AGBL3: variants seen among roughly 807,000 people sequenced by gnomAD.
AGBL3 encodes AGBL carboxypeptidase 3.
In AGBL3, 68 loss-of-function variants were observed where a neutral mutation model predicts 94.5. That is an observed-to-expected ratio of 0.72 (90% CI 0.59 to 0.88). AGBL3 has a LOEUF of 0.88. Among genes scored for constraint, AGBL3 ranks in the 40% least tolerant of loss-of-function variants. The pLI is 0.00. For synonymous variants in AGBL3, 354 were observed against 370.7 expected, an observed-to-expected ratio of 0.95 and a Z score of 0.52; for missense variants, 934 against 1,103.8, an observed-to-expected ratio of 0.85 and a Z score of 2.18.
At chr7:135,106,234 G>C (rs1032625131) in intron 15 of AGBL3, among the ~76,000 whole-genome samples, 1 of 152,138 alleles carries the variant, frequency 6.6e-6, no homozygotes, top group African/African-American at 2.4e-5. Flanking sequence ...TATCTTGGCT[G>C]ATTGCTCTGG....
chr7:135,119,024 A>AG (rs1826733368), intron 16 of AGBL3, among the ~76,000 whole-genome samples: 1 of 152,204 alleles, frequency 6.6e-6, no homozygotes, highest in African/African-American at 2.4e-5. Flanking sequence ...AGGCACCTGT[A>AG]GGACTATAAG....
intron 3 of AGBL3, among the ~76,000 whole-genome samples, chr7:134,992,075 T>C (rs557940533): frequency 1.8e-4 from 27 of 152,396 alleles, no homozygotes; most frequent in African/African-American, 5.3e-4. Context: ...ATAAGACTTA[T>C]GTTGCCACAG....
At chr7:135,066,370 T>G (rs372812824) in intron 12 of AGBL3, among the ~76,000 whole-genome samples, 1 of 152,204 alleles carries the variant, frequency 6.6e-6, no homozygotes, top group South Asian at 2.1e-4. Flanking sequence ...AACAATTATA[T>G]GAAAAGTTGT....
At chr7:135,108,701 G>T (rs1417253869) in intron 15 of AGBL3, among the ~76,000 whole-genome samples, 1 of 152,116 alleles carries the variant, frequency 6.6e-6, no homozygotes, top group Non-Finnish European at 1.5e-5. Context: ...ATAGAATCTT[G>T]CAGGGGTTTC....
chr7:135,133,076 C>CACACAA (rs1829012651), intron 16 of AGBL3, among the ~76,000 whole-genome samples: 2 of 50,290 alleles, frequency 4.0e-5, no homozygotes, highest in Admixed American at 2.3e-4. Flanking sequence ...TGCACACACA[C>CACACAA]ACACACACAC....
At chr7:135,078,377 A>G (rs1563243917) in intron 13 of AGBL3, among the ~76,000 whole-genome samples, 1 of 152,226 alleles carries the variant, frequency 6.6e-6, no homozygotes, top group African/African-American at 2.4e-5. Flanking sequence ...TTCTAGAATT[A>G]CATTATTTCA....
intron 16 of AGBL3, among the ~76,000 whole-genome samples, chr7:135,134,488 A>T (rs895028094): frequency 6.6e-6 from 1 of 152,148 alleles, no homozygotes; most frequent in African/African-American, 2.4e-5. Context: ...GAATAAACAG[A>T]ATAGATTTTT....
At chr7:135,000,862 G>A (rs2133408760) in intron 4 of AGBL3, among the ~76,000 whole-genome samples, 1 of 152,304 alleles carries the variant, frequency 6.6e-6, no homozygotes. Flanking sequence ...CCCATACAGG[G>A]CTACTGTAGA....
intron 5 of AGBL3, among the ~76,000 whole-genome samples, chr7:135,023,073 T>C (rs890697470): frequency 6.6e-6 from 1 of 152,240 alleles, no homozygotes; most frequent in African/African-American, 2.4e-5. Context: ...AATAATGTTA[T>C]ACCACTTCAC....
intron 15 of AGBL3, among the ~76,000 whole-genome samples, chr7:135,092,070 T>C (rs1053909976): frequency 2.6e-5 from 4 of 152,250 alleles, no homozygotes; most frequent in African/African-American, 9.6e-5. Context: ...AAAAGACTAT[T>C]GTCAATGGTT....
chr7:135,049,882 T>C (rs891837315), intron 11 of AGBL3, among the ~76,000 whole-genome samples: 3 of 151,854 alleles, frequency 2.0e-5, no homozygotes, highest in African/African-American at 4.8e-5. Context: ...TTTTTTTCTA[T>C]TGTTTTTCTA....
chr7:135,074,344 T>C (rs1398569785), intron 12 of AGBL3, among the ~76,000 whole-genome samples: 3 of 152,230 alleles, frequency 2.0e-5, no homozygotes, highest in Non-Finnish European at 4.4e-5. Flanking sequence ...CTGGGTTATT[T>C]GACAAACCCT....
chr7:135,052,241 A>G (rs1488916550), intron 11 of AGBL3, among the ~76,000 whole-genome samples: 1 of 152,166 alleles, frequency 6.6e-6, no homozygotes, highest in African/African-American at 2.4e-5. Context: ...GTAGCATACC[A>G]TCAGCATTGT....
chr7:135,100,974 T>C (rs1180379487), intron 15 of AGBL3, among the ~76,000 whole-genome samples: 1 of 152,228 alleles, frequency 6.6e-6, no homozygotes, highest in Non-Finnish European at 1.5e-5. Context: ...TTAAAAGACT[T>C]TGCATACCCT....
chr7:135,055,037 G>A (rs1454080692), intron 11 of AGBL3, among the ~76,000 whole-genome samples: 8 of 152,130 alleles, frequency 5.3e-5, no homozygotes, highest in African/African-American at 1.2e-4. Context: ...GGACACAGGC[G>A]AAGAGGCAAA....
rs1818610140 is a variant in AGBL3 at position 135,059,247 on chromosome 7, C to T, written c.1908+12C>T. On this transcript the variant is annotated intron_variant, in intron 12 of 16. Coordinates refer to ENST00000436302, the MANE Select transcript of AGBL3 (RefSeq NM_178563.4). The stretch of plus-strand genomic sequence containing the variant: ...AGTTAACTTCTCAGGTATGACTGAA[C>T]ATTTTTGCTTATATGTGGATATGCT... 1 of 1,547,102 alleles carries T rather than the reference C, an allele frequency of 6.5e-7. No homozygotes were observed. The highest frequency in any genetic ancestry group is 1.2e-5 in the South Asian group (1 of 83,726).
chr7:135,103,279 A>G (rs989213161), intron 15 of AGBL3, among the ~76,000 whole-genome samples: 1 of 152,156 alleles, frequency 6.6e-6, no homozygotes, highest in Non-Finnish European at 1.5e-5. Context: ...AAAGAAATCA[A>G]ATTATTGAAG....
intron 5 of AGBL3, among the ~76,000 whole-genome samples, chr7:135,020,003 C>T (rs1814251119): frequency 1.3e-5 from 2 of 152,114 alleles, no homozygotes; most frequent in African/African-American, 4.8e-5. Context: ...TAGGCATGGG[C>T]AAGGATTTCA....
In AGBL3 at chr7:135,135,566, C is replaced by CA; in HGVS notation, c.*312dup. 1 of 199,872 alleles carries CA rather than the reference C, an allele frequency of 5.0e-6. No individual in the cohort carries two copies. The highest frequency in any genetic ancestry group is 1.0e-5 in the Non-Finnish European group (1 of 99,514). The allele number at this position is 199,872 out of a possible 1,614,324, so 12.4% of individuals were successfully genotyped here. A position where few individuals can be genotyped will look rare whatever the true frequency, so the allele number is the denominator to read the frequency against. ...CCAAAACTACTTACACATTCGACAC[C>CA]AAAAAAACTTAAGAACTCAAAGTAG... On this transcript the variant is annotated 3_prime_UTR_variant, in exon 17 of 17. Transcript: ENST00000436302.
Sources: gnomAD v4.1 joint callset for allele counts (sites outside exome capture counted in the v4.1 genomes callset) on GRCh38, gnomAD v4.1.1 for gene constraint, MANE v1.5 for transcripts, NCBI Gene and HGNC (gene_info 2026-07-23, HGNC 2026-07-21) for gene names.